NUDCD1: variants seen among roughly 807,000 people sequenced by gnomAD.
The protein encoded by NUDCD1 is NudC domain containing 1.
NUDCD1 carries 60 observed loss-of-function variants against 67.8 expected under a neutral mutation model. That is an observed-to-expected ratio of 0.88 (90% confidence interval 0.72 to 1.10). NUDCD1 has a LOEUF of 1.10. Ranked by LOEUF, NUDCD1 falls within the 50% of genes least tolerant of loss-of-function variation. The pLI, the probability that NUDCD1 is intolerant of heterozygous loss-of-function variation, is 0.00. For missense variants in NUDCD1, 643 were observed against 695.0 expected (o/e 0.93, Z 0.84); for synonymous variants, 244 against 230.8 (o/e 1.06, Z -0.52).
chr8:109,272,336 T>C (rs368300477), intron 7 of NUDCD1, among the ~76,000 whole-genome samples: 8 of 150,364 alleles, frequency 5.3e-5, no homozygotes, highest in African/African-American at 2.0e-4. Flanking sequence ...TGGTGATAAG[T>C]CAAATATGTA....
intron 1 of NUDCD1, 40 bp downstream of exon 1, chr8:109,333,853 G>C (rs911834993): frequency 5.0e-6 from 8 of 1,609,360 alleles, no homozygotes; most frequent in African/African-American, 1.3e-5. Flanking sequence ...CAGCCGAAAG[G>C]GGAAAGGAAC....
chr8:109,270,241 T>C (rs532305036), intron 8 of NUDCD1, among the ~76,000 whole-genome samples: 1 of 151,938 alleles, frequency 6.6e-6, no homozygotes, highest in South Asian at 2.1e-4. Context: ...TATTCAAATT[T>C]AAAACACATC....
intron 4 of NUDCD1, among the ~76,000 whole-genome samples, chr8:109,292,631 G>C (rs1297676128): frequency 6.6e-6 from 1 of 152,010 alleles, no homozygotes; most frequent in Non-Finnish European, 1.5e-5. Flanking sequence ...AGTCATTATG[G>C]AAACAAGCAC....
intron 8 of NUDCD1, among the ~76,000 whole-genome samples, chr8:109,246,161 G>A (rs1813491484): frequency 6.6e-6 from 1 of 152,160 alleles, no homozygotes. Flanking sequence ...AAAGGTTGGG[G>A]ACTGCTGATA....
chr8:109,281,280 C>A (rs1814432663), intron 5 of NUDCD1, 108 bp from the exon 6 acceptor site: 2 of 651,500 alleles, frequency 3.1e-6, no homozygotes, highest in Non-Finnish European at 5.3e-6. Context: ...GATCATCTCA[C>A]AAAACGTAAT....
chr8:109,260,697 C>T (rs75130055), intron 8 of NUDCD1, among the ~76,000 whole-genome samples: 11,537 of 152,262 alleles, frequency 0.076, 672 homozygotes, highest in South Asian at 0.22. Context: ...CACATGCACA[C>T]GTCTCTTTGA....
chr8:109,309,998 C>T (rs1363223974), intron 2 of NUDCD1, among the ~76,000 whole-genome samples: 1 of 152,032 alleles, frequency 6.6e-6, no homozygotes, highest in Non-Finnish European at 1.5e-5. Context: ...AATGTAAACA[C>T]ATCCCACACT....
At chr8:109,253,723 T>C (rs901693855) in intron 8 of NUDCD1, among the ~76,000 whole-genome samples, 1 of 152,148 alleles carries the variant, frequency 6.6e-6, no homozygotes, top group Admixed American at 6.6e-5. Flanking sequence ...CAATTAAAAT[T>C]AAAAAGTAAA....
At chr8:109,299,467 G>A (rs1229327216) in intron 2 of NUDCD1, among the ~76,000 whole-genome samples, 5 of 152,132 alleles carry the variant, frequency 3.3e-5, no homozygotes, top group African/African-American at 4.8e-5. Context: ...GGTGAGGCCT[G>A]TAACTGCTGG....
intron 2 of NUDCD1, among the ~76,000 whole-genome samples, chr8:109,312,005 T>G (rs1385320227): frequency 1.3e-5 from 2 of 151,928 alleles, no homozygotes; most frequent in African/African-American, 4.8e-5. Context: ...GGGACAACTA[T>G]AGTTTAAAAA....
At chr8:109,307,767 A>G (rs1317260593) in intron 2 of NUDCD1, among the ~76,000 whole-genome samples, 3 of 152,176 alleles carry the variant, frequency 2.0e-5, no homozygotes, top group Admixed American at 6.5e-5. Context: ...CTTAAGGTAA[A>G]AGGGTAGAAA....
At chr8:109,306,410 T>G (rs889477754) in intron 2 of NUDCD1, among the ~76,000 whole-genome samples, 1 of 152,188 alleles carries the variant, frequency 6.6e-6, no homozygotes, top group Non-Finnish European at 1.5e-5. Context: ...CCGTTTCTAA[T>G]CCTTCTTTAA....
intron 6 of NUDCD1, among the ~76,000 whole-genome samples, 180 bp from the exon 7 acceptor site, chr8:109,275,676 G>GGCAAATAGTCCAGATTTAATAA (rs1261903804): frequency 6.6e-6 from 1 of 152,078 alleles, no homozygotes; most frequent in Non-Finnish European, 1.5e-5. Flanking sequence ...ATAATCCAAT[G>GGCAAATAGTCCAGATTTAATAA]GCAAATAGTC....
intron 6 of NUDCD1, among the ~76,000 whole-genome samples, chr8:109,276,807 C>T (rs1037490530): frequency 8.5e-5 from 13 of 152,062 alleles, no homozygotes; most frequent in Admixed American, 2.6e-4. Flanking sequence ...TTACAGGCCA[C>T]GCCATCATGC....
At chr8:109,253,564 G>A (rs773717141) in intron 8 of NUDCD1, among the ~76,000 whole-genome samples, 3 of 152,180 alleles carry the variant, frequency 2.0e-5, no homozygotes, top group Middle Eastern at 6.8e-3. Flanking sequence ...TTCCTCACAG[G>A]CTCCATATAT....
chr8:109,307,133 A>G (rs1815126179), intron 2 of NUDCD1, among the ~76,000 whole-genome samples: 1 of 152,220 alleles, frequency 6.6e-6, no homozygotes, highest in East Asian at 1.9e-4. Flanking sequence ...AAAAGAAGTG[A>G]AAATAGCCTT....
At chr8:109,268,058 A>G (rs976773878) in intron 8 of NUDCD1, among the ~76,000 whole-genome samples, 1 of 152,226 alleles carries the variant, frequency 6.6e-6, no homozygotes, top group Non-Finnish European at 1.5e-5. Flanking sequence ...ATAAATCTGT[A>G]AAATGAAGAA....
chr8:109,301,949 C>T, intron 2 of NUDCD1, among the ~76,000 whole-genome samples: 1 of 152,044 alleles, frequency 6.6e-6, no homozygotes, highest in South Asian at 2.1e-4. Context: ...GGTGGCAAGT[C>T]AAGTGCGGGG....
chr8:109,334,038 T>C lies in NUDCD1; in HGVS notation c.-28A>G, dbSNP rs747712910. ...CTTTCCAGGGCCGCAGCGTGAGAAT[T>C]AATAAAGCCCTTGTTGAAAGGTCCG... is the stretch of plus-strand genomic sequence containing the variant. On this transcript the variant is annotated 5_prime_UTR_variant, in exon 1 of 10. Transcript: ENST00000239690. 17 of 1,613,596 alleles carry C rather than the reference T, an allele frequency of 1.1e-5. No individual in the cohort carries two copies. The highest frequency in any genetic ancestry group is 6.7e-5 in the Admixed American group (4 of 59,924).
Sources: gnomAD v4.1 joint callset for allele counts (sites outside exome capture counted in the v4.1 genomes callset) on GRCh38, gnomAD v4.1.1 for gene constraint, MANE v1.5 for transcripts, NCBI Gene and HGNC (gene_info 2026-07-23, HGNC 2026-07-21) for gene names.